CNOT1: variants seen among roughly 807,000 people sequenced by gnomAD.
CNOT1 encodes the protein CCR4-NOT transcription complex subunit 1, also known as CCR4-associated factor 1.
CNOT1 carries 15 observed loss-of-function variants against 273.8 expected under a neutral mutation model. The ratio of observed to expected loss-of-function variants is 0.05; its 90% CI spans 0.04 to 0.08. The LOEUF (loss-of-function observed/expected upper bound fraction) is 0.08. Among genes scored for constraint, CNOT1 ranks in the 10% least tolerant of loss-of-function variants. The pLI is 1.00. For synonymous variants in CNOT1, 1,022 were observed against 1,005.5 expected (o/e 1.02, Z -0.31); for missense variants, 1,644 against 2,912.2 (o/e 0.56, Z 10.02).
At chr16:58,619,432 C>T (rs1361142614) in intron 1 of CNOT1, among the ~76,000 whole-genome samples, 1 of 144,662 alleles carries the variant, frequency 6.9e-6, no homozygotes, top group African/African-American at 2.5e-5. Flanking sequence ...CATTTTCTTT[C>T]TTTTTTTTTT....
At position 58,555,786 on chromosome 16, in the gene CNOT1, C is replaced by T; in HGVS notation, c.2602G>A (p.Glu868Lys). ...HPPHPTMSVD[E>K]VLEMLQRFKD... ...AGTAGATCATCCTAGACACTCACCTCATCAACAGACATGGTTGGATGTGGT... is the reference window on the plus strand; with the variant it reads ...AGTAGATCATCCTAGACACTCACCTTATCAACAGACATGGTTGGATGTGGT... The change falls in exon 20 of 49, where the codon GAG becomes AAG. Residue 868 changes from glutamate (E) to lysine (K), a missense_variant and splice_region_variant. Around this residue, in one of 13 missense-constraint regions of CNOT1, gnomAD observed 74 missense variants for 184.6 expected, o/e 0.40. Transcript: ENST00000317147. 6.2e-7 allele frequency: 1 copy of T among 1,613,962 alleles called. No individual in the cohort carries two copies. The highest frequency in any genetic ancestry group is 8.5e-7 in the Non-Finnish European group (1 of 1,180,024).
At chr16:58,569,589 A>G (rs979287381) in intron 16 of CNOT1, among the ~76,000 whole-genome samples, 4 of 151,692 alleles carry the variant, frequency 2.6e-5, no homozygotes, top group African/African-American at 4.9e-5. Context: ...CCAAACAGAA[A>G]AAGTACAGTA....
chr16:58,579,976 G>A (rs562693413), intron 12 of CNOT1, among the ~76,000 whole-genome samples: 6 of 152,252 alleles, frequency 3.9e-5, no homozygotes, highest in African/African-American at 1.2e-4. Flanking sequence ...TTGAGAGACC[G>A]AGGCGGATGG....
Position 58,595,039 on chromosome 16 carries a change from G to A in CNOT1, c.102+4197C>T, listed in dbSNP as rs559360272. 8.6e-5 allele frequency among the ~76,000 whole-genome samples: 13 copies of A among 151,618 alleles called. No individual in the cohort carries two copies. The South Asian group carries it at 2.5e-3, about 29-fold the overall frequency. ...CTGAGGCAGAGAACTGCTTGAACCC[G>A]GGAGGCGGAGGTTACAGTGAGCCGA... On this transcript the variant is annotated intron_variant, in intron 2 of 48. Transcript: ENST00000317147.
rs1020719630 is a variant in CNOT1 at position 58,610,281 on chromosome 16, T to C, written c.-174-10770A>G. Among the ~76,000 whole-genome samples, 10 of 152,280 alleles carry C rather than the reference T, an allele frequency of 6.6e-5. No homozygotes were observed. In the South Asian group the frequency reaches 1.9e-3, roughly 29 times the overall value. On this transcript the variant is annotated intron_variant, in intron 1 of 48. Coordinates refer to ENST00000317147, the MANE Select transcript of CNOT1 (RefSeq NM_016284.5). ...AAAAATACAAAAAACTAGCCAGGCA[T>C]GGTGGTAGACACCTGTAATCCCAGC... is the stretch of plus-strand genomic sequence containing the variant.
chr16:58,587,811 T>C lies in CNOT1; in HGVS notation c.278A>G (p.Tyr93Cys). The C allele has an allele frequency of 1.2e-6, 2 of 1,613,930 alleles. No individual in the cohort carries two copies. The highest frequency in any genetic ancestry group is 8.5e-7 in the Non-Finnish European group (1 of 1,180,016). The change falls in exon 4 of 49, where the codon TAT becomes TGT. Residue 93 changes from tyrosine (Y) to cysteine (C), a missense_variant. Around this residue, in one of 13 missense-constraint regions of CNOT1, gnomAD observed 706 missense variants for 1,021.2 expected, o/e 0.69. Transcript: ENST00000317147. ...TKPNFISTLS[Y>C]AIDNPLHYQK... is the part of the protein sequence containing the mutation. ...ATAGTGCAATGGATTATCAATGGCATAGGACAGCGTCGAGATAAAATTTGG... is the reference window on the plus strand; with the variant it reads ...ATAGTGCAATGGATTATCAATGGCACAGGACAGCGTCGAGATAAAATTTGG...
At chr16:58,622,055 G>A (rs1449648010) in intron 1 of CNOT1, among the ~76,000 whole-genome samples, 1 of 150,660 alleles carries the variant, frequency 6.6e-6, no homozygotes, top group African/African-American at 2.4e-5. Context: ...GCTCACACCT[G>A]TAATCCCAGC....
intron 16 of CNOT1, among the ~76,000 whole-genome samples, chr16:58,568,652 C>T (rs2041150409): frequency 6.6e-6 from 1 of 151,906 alleles, no homozygotes; most frequent in South Asian, 2.1e-4. Context: ...TGCACTCCAT[C>T]CTGGGCGACA....
At chr16:58,587,630 GC>G in intron 4 of CNOT1, 149 bp downstream of exon 4, 1 of 1,079,100 alleles carries the variant, frequency 9.3e-7, no homozygotes, top group Non-Finnish European at 1.3e-6. Context: ...TAAATGAACT[GC>G]CTTGATTTTG....
chr16:58,566,669 C>A (rs2041053470), intron 16 of CNOT1, among the ~76,000 whole-genome samples: 1 of 151,974 alleles, frequency 6.6e-6, no homozygotes. Context: ...TGATTGGTTT[C>A]TTTTTTTTAT....
intron 14 of CNOT1, 150 bp downstream of exon 14, chr16:58,576,313 T>A (rs2041457491): frequency 9.2e-7 from 1 of 1,083,602 alleles, no homozygotes; most frequent in Non-Finnish European, 1.3e-6. Flanking sequence ...TTTCACCATG[T>A]TTTGGTCAGG....
In CNOT1 at chr16:58,542,496, C is replaced by T; in HGVS notation, c.4507G>A (p.Ala1503Thr). ...GCAGTCTTCTGAATAAAACAGCAAG[C>T]CAACTCACAATTGTCCTGAGCTAAT... is the stretch of plus-strand genomic sequence containing the variant. ...AQLAQDNCELACCFIQKTAVE... is the reference protein window; with the variant it reads ...AQLAQDNCELTCCFIQKTAVE... The change falls in exon 32 of 49, where the codon GCT becomes ACT. Residue 1503 changes from alanine to threonine, a missense_variant. By Grantham distance (58) the Ala-to-Thr change is moderately conservative. Transcript: ENST00000317147. 3 of 1,590,862 alleles carry T rather than the reference C, an allele frequency of 1.9e-6. No individual in the cohort carries two copies. Among genetic ancestry groups the T allele is most frequent in the South Asian group, 1.1e-5 (1 of 90,770 alleles).
At position 58,583,142 on chromosome 16, in the gene CNOT1, G is replaced by A; in HGVS notation, c.847C>T (p.Arg283Trp). ...GCAACCTGGGCAGCTGTGACCTCCCGAACACCAAACTGCACGATTATATTG... is the reference window on the plus strand; with the variant it reads ...GCAACCTGGGCAGCTGTGACCTCCCAAACACCAAACTGCACGATTATATTG... Reference protein sequence around the residue: ...CRNIIVQFGVREVTAAQVARV... With the variant: ...CRNIIVQFGVWEVTAAQVARV... The change falls in exon 9 of 49, where the codon CGG becomes TGG. Residue 283 changes from arginine (R) to tryptophan (W), a missense_variant. Transcript: ENST00000317147. 2 of 1,613,742 alleles carry A rather than the reference G, an allele frequency of 1.2e-6. No homozygotes were observed. The highest frequency in any genetic ancestry group is 1.7e-6 in the Non-Finnish European group (2 of 1,179,980).
At chr16:58,539,668 G>A (rs2151913577) in intron 35 of CNOT1, 100 bp downstream of exon 35, 1 of 1,195,026 alleles carries the variant, frequency 8.4e-7, no homozygotes, top group South Asian at 2.5e-5. Flanking sequence ...TTTATATTAT[G>A]AAATCTTAAG....
chr16:58,521,157 A>T, intron 48 of CNOT1, 26 bp downstream of exon 48: 1 of 1,613,124 alleles, frequency 6.2e-7, no homozygotes. Flanking sequence ...TCATTCCTAG[A>T]CAATTAAAAA....
chr16:58,626,183 A>G (rs1231869760), intron 1 of CNOT1, among the ~76,000 whole-genome samples: 1 of 151,986 alleles, frequency 6.6e-6, no homozygotes, highest in African/African-American at 2.4e-5. Context: ...TGAGGCAGGC[A>G]GATCACCTGA....
rs1188812797 is a variant in CNOT1 at position 58,532,270 on chromosome 16, C to T, written c.6021G>A (p.Val2007=). ...GTGTCTGGAAATTAATGGTTTCCAA[C>T]ACATGCTCAGGTGCATTGAGTTCCA... The part of the protein sequence containing the change: ...LLLELNAPEH[V]LETINFQTLT... Residue 2007 remains valine, a synonymous_variant, in exon 41 of 49, where the codon GTG becomes GTA. Transcript: ENST00000317147. 35 of 1,614,158 alleles carry T rather than the reference C, an allele frequency of 2.2e-5. No individual in the cohort carries two copies. The highest frequency in any genetic ancestry group is 2.9e-5 in the Non-Finnish European group (34 of 1,180,024).
At chr16:58,543,536 A>T in intron 31 of CNOT1, 71 bp downstream of exon 31, 10 of 1,609,088 alleles carry the variant, frequency 6.2e-6, no homozygotes, top group Non-Finnish European at 8.5e-6. Flanking sequence ...CCATATATAG[A>T]CAAAGAAAAA....
intron 25 of CNOT1, chr16:58,548,376 G>C: frequency 2.3e-6 from 1 of 427,072 alleles, no homozygotes. Flanking sequence ...GGTACCTCTT[G>C]ACTTAGGGCT....
Sources: allele counts gnomAD v4.1 joint callset (sites outside exome capture counted in the v4.1 genomes callset), GRCh38; gene constraint gnomAD v4.1.1; regional missense constraint gnomAD v4.1.1; transcripts MANE v1.5; gene names NCBI Gene and HGNC (gene_info 2026-07-23, HGNC 2026-07-21).